Variants in SHISA9 observed in about 807,000 individuals in gnomAD.
SHISA9 encodes protein shisa-9.
SHISA9 carries 13 observed loss-of-function variants against 38.0 expected under a neutral mutation model. The observed-to-expected ratio is 0.34, with a 90% CI of 0.22 to 0.54. SHISA9 has a LOEUF of 0.54. Ranked by LOEUF, SHISA9 falls within the 20% of genes least tolerant of loss-of-function variation. The pLI is 0.91. For missense variants in SHISA9, 538 were observed against 575.8 expected (o/e 0.93, Z 0.67); for synonymous variants, 275 against 242.0 (o/e 1.14, Z -1.27).
intron 2 of SHISA9, among the ~76,000 whole-genome samples, chr16:13,003,299 T>G (rs2072549254): frequency 6.6e-6 from 1 of 152,170 alleles, no homozygotes. Flanking sequence ...ACATGATCTA[T>G]TTTGCTCCAG....
the SHISA9 span, among the ~76,000 whole-genome samples, chr16:13,286,478 A>G: frequency 5.3e-5 from 8 of 152,340 alleles, no homozygotes; most frequent in South Asian, 1.5e-3. Flanking sequence ...TACAGTCAAG[A>G]GCCCGCATAA....
intron 2 of SHISA9, among the ~76,000 whole-genome samples, chr16:13,125,905 G>C (rs779175811): frequency 6.6e-6 from 1 of 152,204 alleles, no homozygotes; most frequent in Non-Finnish European, 1.5e-5. Flanking sequence ...GACCTTAGCT[G>C]GTTGGTATCT....
the SHISA9 span, among the ~76,000 whole-genome samples, chr16:13,275,592 C>T: frequency 0.01 from 1,584 of 152,178 alleles, 33 homozygotes; most frequent in African/African-American, 0.036. Flanking sequence ...TGGCATTATG[C>T]TGGCCTCATA....
the SHISA9 span, among the ~76,000 whole-genome samples, chr16:13,248,095 A>G: frequency 6.6e-6 from 1 of 152,194 alleles, no homozygotes; most frequent in Non-Finnish European, 1.5e-5. Context: ...CCAGGATGCC[A>G]AAAGTCAGCA....
At chr16:12,983,596 C>T (rs748424986) in intron 2 of SHISA9, among the ~76,000 whole-genome samples, 1 of 152,206 alleles carries the variant, frequency 6.6e-6, no homozygotes, top group South Asian at 2.1e-4. Context: ...TCACACCATT[C>T]TTCTGCCTCA....
At chr16:13,310,944 C>T in the SHISA9 span, among the ~76,000 whole-genome samples, 1 of 151,990 alleles carries the variant, frequency 6.6e-6, no homozygotes, top group East Asian at 1.9e-4. Context: ...GGCCTCCCAA[C>T]GTGCTGGTAT....
At chr16:13,283,717 C>T in the SHISA9 span, among the ~76,000 whole-genome samples, 19 of 151,952 alleles carry the variant, frequency 1.3e-4, no homozygotes, top group Non-Finnish European at 2.6e-4. Flanking sequence ...CACAGCCAAA[C>T]CATATCATCT....
intron 2 of SHISA9, among the ~76,000 whole-genome samples, chr16:13,099,894 G>A (rs928162691): frequency 6.6e-6 from 1 of 152,150 alleles, no homozygotes; most frequent in Admixed American, 6.5e-5. Context: ...CAGGAGATTA[G>A]AGAGCCTAGG....
At chr16:13,268,998 C>A in the SHISA9 span, among the ~76,000 whole-genome samples, 1 of 151,998 alleles carries the variant, frequency 6.6e-6, no homozygotes, top group Admixed American at 6.6e-5. Context: ...ATGGTGGAGA[C>A]ATCCAGGTAA....
chr16:13,367,355 C>T, the SHISA9 span, among the ~76,000 whole-genome samples: 1 of 148,292 alleles, frequency 6.7e-6, no homozygotes, highest in South Asian at 2.2e-4. Context: ...AAGATGCCAC[C>T]CACGGGTACC....
chr16:12,970,331 A>ATG (rs1300517594), intron 2 of SHISA9, among the ~76,000 whole-genome samples: 3 of 79,442 alleles, frequency 3.8e-5, no homozygotes, highest in Non-Finnish European at 7.5e-5. Flanking sequence ...ATATACATAT[A>ATG]TATATATATA....
chr16:13,534,513 C>A, the SHISA9 span, among the ~76,000 whole-genome samples: 1 of 152,208 alleles, frequency 6.6e-6, no homozygotes, highest in African/African-American at 2.4e-5. Flanking sequence ...GTGTGAGTCA[C>A]CATGCCAGGC....
chr16:12,909,399 T>C, intron 1 of SHISA9: 3 of 985,450 alleles, frequency 3.0e-6, no homozygotes, highest in Non-Finnish European at 3.6e-6. Flanking sequence ...AGGAACTCTA[T>C]TCAAGTGTTT....
At chr16:13,412,335 T>C in the SHISA9 span, among the ~76,000 whole-genome samples, 1 of 152,188 alleles carries the variant, frequency 6.6e-6, no homozygotes, top group African/African-American at 2.4e-5. Context: ...CCGATGAAAA[T>C]AGGGATGTTA....
the SHISA9 span, among the ~76,000 whole-genome samples, chr16:13,337,135 C>G: frequency 6.6e-6 from 1 of 152,112 alleles, no homozygotes; most frequent in African/African-American, 2.4e-5. Flanking sequence ...AGGAGGCCCC[C>G]TTCTGAACAG....
At chr16:13,042,267 C>A (rs915078809) in intron 2 of SHISA9, among the ~76,000 whole-genome samples, 2 of 152,180 alleles carry the variant, frequency 1.3e-5, no homozygotes, top group Non-Finnish European at 2.9e-5. Flanking sequence ...AGAAGGCACT[C>A]GTTACCTGCC....
intron 2 of SHISA9, among the ~76,000 whole-genome samples, chr16:13,165,883 A>G (rs2050631301): frequency 1.3e-5 from 2 of 152,192 alleles, no homozygotes; most frequent in Non-Finnish European, 1.5e-5. Context: ...AAACAGTGGG[A>G]AGCTTTTAAA....
At chr16:13,005,673 C>T (rs914830445) in intron 2 of SHISA9, among the ~76,000 whole-genome samples, 2 of 152,200 alleles carry the variant, frequency 1.3e-5, no homozygotes, top group African/African-American at 4.8e-5. Context: ...GTAGGACCTT[C>T]TGATTGGCCA....
chr16:13,429,508 A>G, the SHISA9 span, among the ~76,000 whole-genome samples: 3 of 152,078 alleles, frequency 2.0e-5, no homozygotes, highest in Non-Finnish European at 4.4e-5. Context: ...GTCTGTCCCT[A>G]TGTCCAAATT....
Sources: allele counts gnomAD v4.1 joint callset (sites outside exome capture counted in the v4.1 genomes callset), GRCh38; gene constraint gnomAD v4.1.1; transcripts MANE v1.5; gene names NCBI Gene and HGNC (gene_info 2026-07-23, HGNC 2026-07-21).